The following PURG variants were observed in gnomAD, a reference collection of about 807,000 sequenced individuals.
The protein encoded by PURG is purine-rich element-binding protein gamma.
In PURG, 3 loss-of-function variants were observed where a neutral mutation model predicts 24.3. The ratio of observed to expected loss-of-function variants is 0.12; its 90% confidence interval spans 0.06 to 0.32. PURG has a LOEUF of 0.32. Among genes scored for constraint, PURG ranks in the 10% least tolerant of loss-of-function variants. PURG has a pLI of 1.00. For synonymous variants in PURG, 180 were observed against 173.1 expected, an observed-to-expected ratio of 1.04 and a Z score of -0.31; for missense variants, 371 against 439.1, an observed-to-expected ratio of 0.84 and a Z score of 1.39.
downstream of PURG, among the ~76,000 whole-genome samples, chr8:31,026,876 G>A (rs1239436168): frequency 6.6e-6 from 1 of 151,252 alleles, no homozygotes; most frequent in Non-Finnish European, 1.5e-5. Context: ...AACAAGTACG[G>A]ATTTTTTCCA....
At position 31,031,814 on chromosome 8, in the gene PURG, T is replaced by A. The variant is rs2129857260; in HGVS notation, c.969A>T (p.Lys323Asn). The change falls in exon 2 of 2, where the codon AAA becomes AAT. Residue 323 changes from lysine (K) to asparagine (N), a missense_variant. Coordinates refer to ENST00000523392, the MANE Select transcript of PURG (RefSeq NM_001323311.2). ...TCTTTTCTTTATGGCTGTTGCAAAT[T>A]TTCCTCATCTCTTCTTCATACTTGA... is the stretch of plus-strand genomic sequence containing the variant. ...NFIKYEEEMR[K>N]ICNSHKEKRM... is the part of the protein sequence containing the mutation. 6.4e-7 allele frequency: 1 copy of A among 1,563,210 alleles called. No homozygotes were observed. Among genetic ancestry groups the A allele is most frequent in the African/African-American group, 1.4e-5 (1 of 73,682 alleles).
chr8:31,012,244 T>A (rs1810777099), intron 1 of PURG, among the ~76,000 whole-genome samples: 1 of 152,184 alleles, frequency 6.6e-6, no homozygotes, highest in African/African-American at 2.4e-5. Flanking sequence ...CTCCAACAAG[T>A]TTTAGGTTGT....
intron 1 of PURG, among the ~76,000 whole-genome samples, chr8:31,019,521 C>T (rs532940290): frequency 4.4e-4 from 66 of 150,818 alleles, no homozygotes; most frequent in African/African-American, 1.3e-3. Flanking sequence ...TTAGTAGAGA[C>T]GGGGTTTCAC....
At chr8:30,996,900 A>G (rs1810439233) in intron 1 of PURG, among the ~76,000 whole-genome samples, 1 of 151,788 alleles carries the variant, frequency 6.6e-6, no homozygotes, top group East Asian at 1.9e-4. Context: ...ATAAGGATTG[A>G]TAGATACAGG....
At chr8:31,028,804 A>C (rs1481469153), downstream of PURG, among the ~76,000 whole-genome samples, 1 of 151,884 alleles carries the variant, frequency 6.6e-6, no homozygotes, top group Non-Finnish European at 1.5e-5. Context: ...TCATACTATT[A>C]GCTTATATTA....
chr8:31,004,681 AC>A (rs1014063367), intron 1 of PURG, among the ~76,000 whole-genome samples: 1 of 152,208 alleles, frequency 6.6e-6, no homozygotes, highest in African/African-American at 2.4e-5. Flanking sequence ...TCAAAAAAAA[AC>A]AAAACAAAAG....
chr8:31,028,827 C>A (rs1811136705), downstream of PURG, among the ~76,000 whole-genome samples: 1 of 151,806 alleles, frequency 6.6e-6, no homozygotes, highest in Admixed American at 6.6e-5. Context: ...ACAGTTTGAG[C>A]CTGTACCACA....
chr8:31,024,253 A>G, intron 1 of PURG, among the ~76,000 whole-genome samples: 1 of 152,146 alleles, frequency 6.6e-6, no homozygotes, highest in Non-Finnish European at 1.5e-5. Flanking sequence ...TTTTTAATGT[A>G]AACAGATAAA....
chr8:31,000,035 A>G (rs920462781), intron 1 of PURG, among the ~76,000 whole-genome samples: 1 of 152,100 alleles, frequency 6.6e-6, no homozygotes, highest in Non-Finnish European at 1.5e-5. Context: ...CTACATATAC[A>G]TCTTGTCTCC....
downstream of PURG, among the ~76,000 whole-genome samples, chr8:31,029,424 A>G (rs1221260143): frequency 6.6e-6 from 1 of 151,776 alleles, no homozygotes; most frequent in African/African-American, 2.4e-5. Flanking sequence ...TTTATATACA[A>G]TGAGTTAAAG....
rs2129856023 is a variant in PURG at position 31,031,572 on chromosome 8, T to C, written c.*167A>G. On this transcript the variant is annotated 3_prime_UTR_variant, in exon 2 of 2. Coordinates refer to ENST00000523392, the MANE Select transcript of PURG (RefSeq NM_001323311.2). ...AATTCCCGTAAGAATTATAGTGATC[T>C]ATGTGTAACATAACATGAGAATCAG... The C allele has an allele frequency of 3.0e-6, 2 of 656,588 alleles. No individual in the cohort carries two copies. Among genetic ancestry groups the C allele is most frequent in the Non-Finnish European group, 5.1e-6 (2 of 389,326 alleles). 40.7% of individuals were successfully genotyped at this position (656,588 alleles called of 1,614,324 possible).
chr8:31,016,432 A>C (rs1353634545), intron 1 of PURG, among the ~76,000 whole-genome samples: 1 of 151,410 alleles, frequency 6.6e-6, no homozygotes, highest in East Asian at 1.9e-4. Context: ...AAATAAATAA[A>C]TAAAATAAAG....
At chr8:31,007,260 T>A (rs901830846) in intron 1 of PURG, among the ~76,000 whole-genome samples, 1 of 152,116 alleles carries the variant, frequency 6.6e-6, no homozygotes, top group Non-Finnish European at 1.5e-5. Flanking sequence ...AGTTCAAATA[T>A]GAAAGAGGAA....
chr8:31,015,249 G>A (rs915109131), intron 1 of PURG, among the ~76,000 whole-genome samples: 1 of 152,100 alleles, frequency 6.6e-6, no homozygotes, highest in African/African-American at 2.4e-5. Context: ...GCATGACAAG[G>A]TGAATATACT....
downstream of PURG, among the ~76,000 whole-genome samples, chr8:31,030,605 A>G (rs112641838): frequency 9.9e-5 from 15 of 152,082 alleles, 1 homozygote; most frequent in African/African-American, 3.1e-4. Flanking sequence ...ATCTTCAAAT[A>G]ATATTTTTCT....
intron 1 of PURG, among the ~76,000 whole-genome samples, chr8:31,024,458 T>A (rs1027651035): frequency 5.3e-5 from 8 of 152,124 alleles, no homozygotes; most frequent in Non-Finnish European, 8.8e-5. Flanking sequence ...CAGAATTACG[T>A]CTTATTATTC....
At chr8:31,010,752 T>C (rs1563305449) in intron 1 of PURG, among the ~76,000 whole-genome samples, 1 of 152,096 alleles carries the variant, frequency 6.6e-6, no homozygotes. Flanking sequence ...ATTGAACTAA[T>C]CTAAATCAGG....
intron 1 of PURG, among the ~76,000 whole-genome samples, chr8:31,015,571 G>A (rs980983832): frequency 6.6e-6 from 1 of 152,186 alleles, no homozygotes; most frequent in African/African-American, 2.4e-5. Context: ...TGAATGTTTG[G>A]TTGTGAAATC....
At position 31,032,376 on chromosome 8, in the gene PURG, T is replaced by C; in HGVS notation, c.407A>G (p.Gln136Arg). 6.2e-7 allele frequency: 1 copy of C among 1,613,588 alleles called. No individual in the cohort carries two copies. The highest frequency in any genetic ancestry group is 1.1e-5 in the South Asian group (1 of 91,080). The change falls in exon 2 of 2, where the codon CAA becomes CGA. Residue 136 changes from glutamine (Q) to arginine (R), a missense_variant. Around this residue, in one of 5 missense-constraint regions of PURG, gnomAD observed 213 missense variants for 230.6 expected, o/e 0.92. Transcript: ENST00000523392. This position sits in a 1 kb window ranked among gnomAD's most constrained non-coding sequence, Gnocchi z 5.9. ...TTGCTCTTTGCTGTGGCCATGCTCT[T>C]GCCGGTGGCCTTTCAGGCCCAGGTG... ...YAHLGLKGHR[Q>R]EHGHSKEQGS...
Sources: gnomAD v4.1 joint callset for allele counts (sites outside exome capture counted in the v4.1 genomes callset) on GRCh38, gnomAD v4.1.1 for gene constraint, gnomAD v4.1.1 regional missense constraint, Gnocchi (gnomAD v3.1) non-coding constraint, MANE v1.5 for transcripts, NCBI Gene and HGNC (gene_info 2026-07-23, HGNC 2026-07-21) for gene names.